The following LDLRAD3 variants were observed in gnomAD, a reference collection of about 807,000 sequenced individuals.
LDLRAD3 encodes the protein low density lipoprotein receptor class A domain containing 3, also known as low-density lipoprotein receptor class A domain-containing protein 3.
In LDLRAD3, 20 loss-of-function variants were observed where a neutral mutation model predicts 29.4. The observed-to-expected ratio is 0.68, with a 90% CI of 0.48 to 0.99. LDLRAD3 has a LOEUF of 0.99. Ranked by LOEUF, LDLRAD3 falls within the 50% of genes least tolerant of loss-of-function variation. LDLRAD3 has a pLI of 0.00. For missense variants in LDLRAD3, 420 were observed against 454.3 expected, an observed-to-expected ratio of 0.92 and a Z score of 0.69; for synonymous variants, 157 against 192.7, an observed-to-expected ratio of 0.81 and a Z score of 1.53.
chr11:36,130,531 C>T (rs775644487), intron 4 of LDLRAD3, among the ~76,000 whole-genome samples: 10 of 152,142 alleles, frequency 6.6e-5, no homozygotes, highest in South Asian at 4.1e-4. Flanking sequence ...CTGAATGACT[C>T]GCAGGGCTGG....
At chr11:36,221,345 G>A (rs1855423549) in intron 4 of LDLRAD3, among the ~76,000 whole-genome samples, 3 of 148,082 alleles carry the variant, frequency 2.0e-5, no homozygotes, top group African/African-American at 7.5e-5. Flanking sequence ...TCCAGCCTGG[G>A]AGACAGAGTG....
chr11:36,105,238 T>TGTGTGTGAGA lies in LDLRAD3; in HGVS notation c.454+6778_454+6779insTGTGTGAGAG, dbSNP rs1343780985. 7.5e-4 allele frequency among the ~76,000 whole-genome samples: 96 copies of TGTGTGTGAGA among 128,420 alleles called. 1 individual carries two copies. The East Asian group carries it at 0.013, about 18-fold the overall frequency. The allele number at this position is 128,420 out of a possible 152,430, so 84.2% of individuals were successfully genotyped here. A position where few individuals can be genotyped will look rare whatever the true frequency, so the allele number is the denominator to read the frequency against. On this transcript the variant is annotated intron_variant, in intron 4 of 5. Coordinates refer to ENST00000315571, the MANE Select transcript of LDLRAD3 (RefSeq NM_174902.4). ...GTGTGTGTGTGTGTGTGTGTGTGTG[T>TGTGTGTGAGA]GAGAGAGAGAGAGAGAGAGAGAGAA...
At chr11:35,979,225 G>T (rs950256851) in intron 1 of LDLRAD3, among the ~76,000 whole-genome samples, 10 of 152,118 alleles carry the variant, frequency 6.6e-5, no homozygotes, top group African/African-American at 2.4e-4. Context: ...CCCTCCAGCC[G>T]AGTAGGGCCC....
At chr11:35,992,168 A>G (rs2133168321) in intron 1 of LDLRAD3, among the ~76,000 whole-genome samples, 1 of 152,354 alleles carries the variant, frequency 6.6e-6, no homozygotes, top group Non-Finnish European at 1.5e-5. Flanking sequence ...TCAAGATAGT[A>G]GGAAAGCAGT....
intron 2 of LDLRAD3, among the ~76,000 whole-genome samples, chr11:36,075,231 C>T (rs1300696419): frequency 1.3e-5 from 2 of 152,186 alleles, no homozygotes; most frequent in Non-Finnish European, 2.9e-5. Flanking sequence ...GAATTAAGCA[C>T]ATCCTGTGTG....
intron 4 of LDLRAD3, among the ~76,000 whole-genome samples, chr11:36,128,972 G>A (rs1407422099): frequency 1.3e-5 from 2 of 152,292 alleles, no homozygotes; most frequent in Non-Finnish European, 2.9e-5. Flanking sequence ...TCTACATGAG[G>A]GATGGTGGTG....
chr11:36,206,393 A>G (rs894872935), intron 4 of LDLRAD3, among the ~76,000 whole-genome samples: 3 of 152,224 alleles, frequency 2.0e-5, no homozygotes, highest in Non-Finnish European at 4.4e-5. Flanking sequence ...GACAAGTTTA[A>G]TGTTTGCTTT....
At chr11:36,155,988 C>T (rs1193693676) in intron 4 of LDLRAD3, among the ~76,000 whole-genome samples, 1 of 152,132 alleles carries the variant, frequency 6.6e-6, no homozygotes, top group African/African-American at 2.4e-5. Context: ...TTAGATGAGT[C>T]ATGTTCTGCC....
rs566294749 is a variant in LDLRAD3 at position 36,161,605 on chromosome 11, G to C, written c.454+63144G>C. On this transcript the variant is annotated intron_variant, in intron 4 of 5. Coordinates refer to ENST00000315571, the MANE Select transcript of LDLRAD3 (RefSeq NM_174902.4). ...GGATGGATGGATGGATGGATGGATG[G>C]AGTACAACAATCTTCAGAGGCCAAC... 4.8e-4 allele frequency among the ~76,000 whole-genome samples: 71 copies of C among 149,088 alleles called. No individual in the cohort carries two copies. In the South Asian group the frequency reaches 0.015, roughly 31 times the overall value.
At chr11:36,126,899 C>T (rs1032770901) in intron 4 of LDLRAD3, among the ~76,000 whole-genome samples, 8 of 152,146 alleles carry the variant, frequency 5.3e-5, no homozygotes, top group Non-Finnish European at 8.8e-5. Context: ...AACCCACTGC[C>T]GAGCAAGTGC....
At chr11:36,025,483 G>A (rs961093578) in intron 1 of LDLRAD3, among the ~76,000 whole-genome samples, 1 of 151,408 alleles carries the variant, frequency 6.6e-6, no homozygotes, top group African/African-American at 2.4e-5. Context: ...CCGCCTCCAG[G>A]GTTCACGCCA....
intron 4 of LDLRAD3, among the ~76,000 whole-genome samples, chr11:36,130,635 ACCCTGGT>A (rs1027368105): frequency 2.8e-4 from 42 of 152,044 alleles, no homozygotes; most frequent in African/African-American, 9.6e-4. Flanking sequence ...GTTCTCCTCA[ACCCTGGT>A]CTGAGCGCCT....
intron 4 of LDLRAD3, among the ~76,000 whole-genome samples, chr11:36,209,926 A>C (rs1398247822): frequency 6.6e-6 from 1 of 152,246 alleles, no homozygotes; most frequent in Non-Finnish European, 1.5e-5. Flanking sequence ...ACTGAACAAA[A>C]TAAATGGGTG....
At chr11:35,997,589 G>A in intron 1 of LDLRAD3, 1 of 287,028 alleles carries the variant, frequency 3.5e-6, no homozygotes, top group Non-Finnish European at 6.7e-6. Context: ...GGCCAATCTT[G>A]GGGGCCAGCA....
intron 4 of LDLRAD3, among the ~76,000 whole-genome samples, chr11:36,108,034 G>C (rs1269502254): frequency 6.6e-6 from 1 of 151,980 alleles, no homozygotes; most frequent in Non-Finnish European, 1.5e-5. Context: ...TTCCAGGCCA[G>C]GCACGGTGGC....
intron 4 of LDLRAD3, among the ~76,000 whole-genome samples, chr11:36,104,850 C>G (rs576418586): frequency 6.6e-6 from 1 of 152,280 alleles, no homozygotes; most frequent in Admixed American, 6.5e-5. Flanking sequence ...TAACACTGAG[C>G]TGGGCCCAGG....
chr11:35,951,506 C>T (rs1284164945), intron 1 of LDLRAD3, among the ~76,000 whole-genome samples: 2 of 152,156 alleles, frequency 1.3e-5, no homozygotes, highest in African/African-American at 2.4e-5. Context: ...CTTGAACAGA[C>T]ACCCCTTTTG....
At chr11:36,170,295 CAT>C (rs980720799) in intron 4 of LDLRAD3, among the ~76,000 whole-genome samples, 25 of 100,188 alleles carry the variant, frequency 2.5e-4, no homozygotes, top group Non-Finnish European at 4.5e-4. Context: ...TATATACACA[CAT>C]ATATATACAT....
At chr11:36,057,784 C>A (rs931094134) in intron 2 of LDLRAD3, among the ~76,000 whole-genome samples, 8 of 152,176 alleles carry the variant, frequency 5.3e-5, no homozygotes, top group Non-Finnish European at 1.2e-4. Flanking sequence ...TAGTGATCCT[C>A]AGATATTTTT....
Sources: gnomAD v4.1 joint callset for allele counts (sites outside exome capture counted in the v4.1 genomes callset) on GRCh38, gnomAD v4.1.1 for gene constraint, MANE v1.5 for transcripts, NCBI Gene and HGNC (gene_info 2026-07-23, HGNC 2026-07-21) for gene names.